CTNNA2: variants seen among roughly 807,000 people sequenced by gnomAD.
The protein encoded by CTNNA2 is catenin alpha-2.
CTNNA2 carries 42 observed loss-of-function variants against 101.0 expected under a neutral mutation model. The observed-to-expected ratio is 0.42, with a 90% CI of 0.32 to 0.54. CTNNA2 has a LOEUF of 0.54. Among genes scored for constraint, CTNNA2 ranks in the 20% least tolerant of loss-of-function variants. The pLI is 0.14. For missense variants in CTNNA2, 871 were observed against 1,223.1 expected (o/e 0.71, Z 4.29); for synonymous variants, 450 against 456.4 (o/e 0.99, Z 0.18).
rs367660570 is a variant in CTNNA2 at position 79,967,596 on chromosome 2, G to C, written c.1056+57799G>C. Among the ~76,000 whole-genome samples, 12 of 152,234 alleles carry C rather than the reference G, an allele frequency of 7.9e-5. No homozygotes were observed. In the East Asian group the frequency reaches 1.5e-3, roughly 20 times the overall value. Reference sequence around the variant, plus strand: ...GAATAAAATCCTAATGCCTTACCCTGATGGATCAACAAGATGAGCTAATTT... The same window carrying C: ...GAATAAAATCCTAATGCCTTACCCTCATGGATCAACAAGATGAGCTAATTT... On this transcript the variant is annotated intron_variant, in intron 7 of 18. Coordinates refer to ENST00000402739, the MANE Select transcript of CTNNA2 (RefSeq NM_001282597.3).
At chr2:79,974,086 C>CT (rs1338943434) in intron 7 of CTNNA2, among the ~76,000 whole-genome samples, 3 of 152,014 alleles carry the variant, frequency 2.0e-5, no homozygotes, top group African/African-American at 7.2e-5. Context: ...ATCTTCAACT[C>CT]TTTTTGTCAT....
At chr2:80,624,399 TTTC>T (rs547762857) in intron 18 of CTNNA2, among the ~76,000 whole-genome samples, 2 of 152,012 alleles carry the variant, frequency 1.3e-5, no homozygotes, top group Non-Finnish European at 2.9e-5. Context: ...GTTGTTTGTT[TTTC>T]TTTTTTTCGT....
At chr2:80,509,975 T>C (rs900688208) in intron 9 of CTNNA2, among the ~76,000 whole-genome samples, 4 of 152,210 alleles carry the variant, frequency 2.6e-5, no homozygotes, top group Non-Finnish European at 5.9e-5. Context: ...CTACTCTCAT[T>C]GTACCTAATC....
chr2:80,504,985 C>A (rs572229435), intron 9 of CTNNA2, among the ~76,000 whole-genome samples: 1 of 152,232 alleles, frequency 6.6e-6, no homozygotes, highest in African/African-American at 2.4e-5. Context: ...CCTAGATGTC[C>A]CACACATACA....
At chr2:79,709,481 G>A (rs763634433) in intron 2 of CTNNA2, among the ~76,000 whole-genome samples, 1 of 152,052 alleles carries the variant, frequency 6.6e-6, no homozygotes, top group Non-Finnish European at 1.5e-5. Context: ...GAGGCATGTC[G>A]GACAGGGTTA....
At chr2:79,536,965 G>A (rs1573281154) in intron 1 of CTNNA2, among the ~76,000 whole-genome samples, 1 of 152,180 alleles carries the variant, frequency 6.6e-6, no homozygotes, top group East Asian at 1.9e-4. Flanking sequence ...GCCTCCCCAT[G>A]GATTTTACTG....
chr2:79,587,172 T>C (rs1298322426), intron 1 of CTNNA2, among the ~76,000 whole-genome samples: 1 of 152,232 alleles, frequency 6.6e-6, no homozygotes, highest in Non-Finnish European at 1.5e-5. Flanking sequence ...TATTTTTCTT[T>C]GGGTAGATAC....
chr2:80,002,196 G>A (rs945748176), intron 7 of CTNNA2, among the ~76,000 whole-genome samples: 1 of 152,140 alleles, frequency 6.6e-6, no homozygotes, highest in African/African-American at 2.4e-5. Flanking sequence ...TCTTAGTTAA[G>A]GACACACTAT....
intron 7 of CTNNA2, among the ~76,000 whole-genome samples, chr2:80,082,387 G>C (rs990677715): frequency 6.6e-6 from 1 of 152,144 alleles, no homozygotes; most frequent in Non-Finnish European, 1.5e-5. Context: ...ACCTCATAAT[G>C]TTTTGTTGAA....
At chr2:80,284,011 G>A (rs925469490) in intron 7 of CTNNA2, among the ~76,000 whole-genome samples, 1 of 152,180 alleles carries the variant, frequency 6.6e-6, no homozygotes, top group African/African-American at 2.4e-5. Context: ...AACAATTAGT[G>A]TGAGTAGAAT....
intron 4 of CTNNA2, among the ~76,000 whole-genome samples, chr2:79,494,143 G>A (rs922604101): frequency 1.3e-5 from 2 of 152,092 alleles, no homozygotes; most frequent in South Asian, 2.1e-4. Context: ...AATTCTGAAT[G>A]CTACAATACG....
intron 2 of CTNNA2, among the ~76,000 whole-genome samples, chr2:79,296,366 C>T (rs2902048): frequency 0.17 from 25,979 of 152,144 alleles, 2,995 homozygotes; most frequent in African/African-American, 0.33. Flanking sequence ...TGTCTACATA[C>T]ATTATGCTTC....
At chr2:79,356,960 C>A (rs1677521857) in intron 3 of CTNNA2, among the ~76,000 whole-genome samples, 1 of 152,042 alleles carries the variant, frequency 6.6e-6, no homozygotes, top group African/African-American at 2.4e-5. Context: ...GAGAAGTTCA[C>A]TAAATAACTA....
chr2:80,515,984 C>T (rs1032679835), intron 9 of CTNNA2, among the ~76,000 whole-genome samples: 13 of 152,202 alleles, frequency 8.5e-5, no homozygotes, highest in African/African-American at 3.1e-4. Flanking sequence ...ACCTCTCTTT[C>T]ACACTATTCT....
At chr2:79,196,941 A>AT (rs1368143708) in intron 1 of CTNNA2, among the ~76,000 whole-genome samples, 1 of 152,228 alleles carries the variant, frequency 6.6e-6, no homozygotes, top group Non-Finnish European at 1.5e-5. Flanking sequence ...GAGCAAGAGA[A>AT]TGAAATGGTA....
chr2:80,234,389 C>A (rs1300510213), intron 7 of CTNNA2, among the ~76,000 whole-genome samples: 1 of 152,144 alleles, frequency 6.6e-6, no homozygotes, highest in Non-Finnish European at 1.5e-5. Context: ...TAGAACCTTT[C>A]CCCCACCCTA....
chr2:80,122,176 C>G (rs1233232081), intron 7 of CTNNA2, among the ~76,000 whole-genome samples: 1 of 151,874 alleles, frequency 6.6e-6, no homozygotes, highest in Non-Finnish European at 1.5e-5. Flanking sequence ...CTTTCTCTCT[C>G]TACTTCTCTC....
chr2:79,860,970 G>A (rs1020828227), intron 4 of CTNNA2, among the ~76,000 whole-genome samples: 8 of 152,194 alleles, frequency 5.3e-5, no homozygotes, highest in African/African-American at 1.9e-4. Flanking sequence ...AACTCAGGAT[G>A]AAGAACATGT....
intron 7 of CTNNA2, among the ~76,000 whole-genome samples, chr2:80,338,860 A>G (rs982698888): frequency 6.6e-6 from 1 of 152,222 alleles, no homozygotes; most frequent in Admixed American, 6.5e-5. Flanking sequence ...GCTTTTGGAT[A>G]GGCCAGGAGC....
Sources: gnomAD v4.1 joint callset for allele counts (sites outside exome capture counted in the v4.1 genomes callset) on GRCh38, gnomAD v4.1.1 for gene constraint, MANE v1.5 for transcripts, NCBI Gene and HGNC (gene_info 2026-07-23, HGNC 2026-07-21) for gene names.